The following DLGAP2 variants were observed in gnomAD, a reference collection of about 807,000 sequenced individuals.
DLGAP2 encodes the protein disks large-associated protein 2.
A neutral mutation model predicts 100.3 loss-of-function variants in DLGAP2; 26 were observed. The observed-to-expected ratio is 0.26, with a 90% CI of 0.19 to 0.36. The LOEUF (loss-of-function observed/expected upper bound fraction) is 0.36. DLGAP2 is among the 10% of genes least tolerant of loss of function. The pLI, the probability that DLGAP2 is intolerant of heterozygous loss-of-function variation, is 1.00. For synonymous variants in DLGAP2, 886 were observed against 630.1 expected (o/e 1.41, Z -6.08); for missense variants, 1,858 against 1,453.2 (o/e 1.28, Z -4.53).
chr8:1,567,221 T>C (rs1258258411), intron 6 of DLGAP2, among the ~76,000 whole-genome samples: 1 of 152,190 alleles, frequency 6.6e-6, no homozygotes, highest in African/African-American at 2.4e-5. Context: ...AAGTGAAGGA[T>C]TGGACTGGAT....
chr8:1,071,182 T>C (rs777079033), intron 2 of DLGAP2, among the ~76,000 whole-genome samples: 41 of 152,092 alleles, frequency 2.7e-4, no homozygotes, highest in Non-Finnish European at 1.0e-4. Context: ...GGATGGTGAG[T>C]GGTGCTTTCC....
rs565873295 is a variant in DLGAP2 at position 1,283,618 on chromosome 8, T to C, written c.106+24735T>C. Among the ~76,000 whole-genome samples, 11 of 152,374 alleles carry C rather than the reference T, an allele frequency of 7.2e-5. No individual in the cohort carries two copies. The South Asian group carries it at 2.3e-3, about 32-fold the overall frequency. On this transcript the variant is annotated intron_variant, in intron 3 of 14. Coordinates refer to ENST00000637795, the MANE Select transcript of DLGAP2 (RefSeq NM_001346810.2). The stretch of plus-strand genomic sequence containing the variant: ...AAAATGCAGAAAGGAACAGCGATGA[T>C]GCTGATAGAATTTTCATTGAATATT...
intron 4 of DLGAP2, among the ~76,000 whole-genome samples, chr8:1,503,632 G>A (rs1355784729): frequency 6.6e-6 from 1 of 152,156 alleles, no homozygotes; most frequent in African/African-American, 2.4e-5. Context: ...TAAATGTCCA[G>A]AAGTGGAATT....
chr8:786,862 G>A (rs1182920605), intron 1 of DLGAP2, among the ~76,000 whole-genome samples: 2 of 151,954 alleles, frequency 1.3e-5, no homozygotes, highest in Admixed American at 1.3e-4. Flanking sequence ...TTCTTGGAGG[G>A]GTTACCTGGT....
At chr8:954,820 G>C (rs1427573662) in intron 2 of DLGAP2, among the ~76,000 whole-genome samples, 1 of 152,150 alleles carries the variant, frequency 6.6e-6, no homozygotes, top group East Asian at 1.9e-4. Context: ...GGCTGGTATG[G>C]TAGGTTCATT....
At chr8:845,207 C>G (rs900748052) in intron 1 of DLGAP2, among the ~76,000 whole-genome samples, 1 of 152,174 alleles carries the variant, frequency 6.6e-6, no homozygotes, top group Non-Finnish European at 1.5e-5. Context: ...TGAACATTTT[C>G]AGGACGTTTC....
At chr8:1,593,426 G>T (rs948887068) in intron 6 of DLGAP2, among the ~76,000 whole-genome samples, 4 of 152,040 alleles carry the variant, frequency 2.6e-5, no homozygotes, top group African/African-American at 9.7e-5. Flanking sequence ...CTGCACTCCA[G>T]CCTGGGCGAC....
At chr8:1,269,875 C>G (rs1236589699) in intron 3 of DLGAP2, among the ~76,000 whole-genome samples, 1 of 152,190 alleles carries the variant, frequency 6.6e-6, no homozygotes, top group African/African-American at 2.4e-5. Flanking sequence ...GGGAAACTCG[C>G]TGAGTGACTC....
At chr8:1,066,126 G>T (rs911510887) in intron 2 of DLGAP2, among the ~76,000 whole-genome samples, 2 of 152,034 alleles carry the variant, frequency 1.3e-5, no homozygotes, top group Non-Finnish European at 2.9e-5. Context: ...CCACGGTCAG[G>T]TCTGAGCGAG....
At chr8:1,527,189 T>C (rs1318210690) in intron 4 of DLGAP2, among the ~76,000 whole-genome samples, 2 of 152,234 alleles carry the variant, frequency 1.3e-5, no homozygotes, top group East Asian at 3.9e-4. Context: ...TGACATGGTG[T>C]GCACCTCGTC....
intron 3 of DLGAP2, among the ~76,000 whole-genome samples, chr8:1,434,436 C>T (rs1483317282): frequency 7.2e-5 from 11 of 152,070 alleles, no homozygotes; most frequent in Admixed American, 2.0e-4. Context: ...ACACCCACCA[C>T]TGGGTCACTG....
intron 2 of DLGAP2, among the ~76,000 whole-genome samples, chr8:1,223,813 G>C (rs983525609): frequency 3.9e-5 from 6 of 152,180 alleles, no homozygotes; most frequent in African/African-American, 1.2e-4. Flanking sequence ...ATAGTAGGCA[G>C]AGATTTATTA....
intron 6 of DLGAP2, among the ~76,000 whole-genome samples, chr8:1,566,341 T>A (rs1414065259): frequency 1.3e-5 from 2 of 152,188 alleles, no homozygotes; most frequent in African/African-American, 2.4e-5. Context: ...AGGGAGGAAA[T>A]GGACTAGCTT....
chr8:1,326,187 G>T (rs1249152140), intron 3 of DLGAP2, among the ~76,000 whole-genome samples: 3 of 152,138 alleles, frequency 2.0e-5, no homozygotes, highest in Admixed American at 2.0e-4. Context: ...CTATTAGCAT[G>T]CTTTTACCAT....
chr8:1,235,105 TTCTCTCACACA>T (rs1798617730), intron 2 of DLGAP2, among the ~76,000 whole-genome samples: 1 of 23,830 alleles, frequency 4.2e-5, no homozygotes. Flanking sequence ...TCGTGTCTAG[TTCTCTCACACA>T]TGGCGTCGTG....
At chr8:1,218,039 T>C (rs575515596) in intron 2 of DLGAP2, among the ~76,000 whole-genome samples, 2 of 152,346 alleles carry the variant, frequency 1.3e-5, no homozygotes, top group South Asian at 4.1e-4. Flanking sequence ...TCTCCCATTC[T>C]ATAAGTTGTC....
intron 9 of DLGAP2, 87 bp downstream of exon 9, chr8:1,668,765 T>C: frequency 4.0e-6 from 5 of 1,258,492 alleles, no homozygotes; most frequent in Non-Finnish European, 5.3e-6. Flanking sequence ...CCAGCGGCCC[T>C]GGGTCCTTAG....
intron 8 of DLGAP2, among the ~76,000 whole-genome samples, chr8:1,655,229 T>G (rs1017866126): frequency 2.6e-5 from 4 of 152,256 alleles, no homozygotes; most frequent in African/African-American, 7.2e-5. Context: ...GATTTATTCT[T>G]CTGTTTTGTG....
intron 3 of DLGAP2, among the ~76,000 whole-genome samples, chr8:1,298,729 C>G (rs1800254785): frequency 6.6e-6 from 1 of 152,168 alleles, no homozygotes; most frequent in South Asian, 2.1e-4. Context: ...ACTAGAATGT[C>G]AAAAGGGCAA....
Sources: gnomAD v4.1 joint callset for allele counts (sites outside exome capture counted in the v4.1 genomes callset) on GRCh38, gnomAD v4.1.1 for gene constraint, MANE v1.5 for transcripts, NCBI Gene and HGNC (gene_info 2026-07-23, HGNC 2026-07-21) for gene names.